IL4I1: variants seen among roughly 807,000 people sequenced by gnomAD.
IL4I1 encodes L-amino-acid oxidase.
Under a neutral mutation model 29.7 loss-of-function variants are expected in IL4I1, and 24 were observed. The observed-to-expected ratio is 0.81, with a 90% CI of 0.59 to 1.14. The LOEUF is 1.14. Ranked by LOEUF, IL4I1 falls within the 50% of genes most tolerant of loss-of-function variation. IL4I1 has a pLI of 0.00. For synonymous variants in IL4I1, 371 were observed against 352.5 expected (o/e 1.05, Z -0.59); for missense variants, 686 against 785.6 (o/e 0.87, Z 1.52).
At chr19:49,924,007 A>G (rs2075824930) in intron 2 of IL4I1, among the ~76,000 whole-genome samples, 1 of 152,208 alleles carries the variant, frequency 6.6e-6, no homozygotes. Context: ...GTGATTGGGA[A>G]AGCAGTGAGG....
chr19:49,890,928 T>TTCCCCCCCCCCCCCCCCCCCCCCCCC lies in IL4I1; in HGVS notation c.773+42_773+43insGGGGGGGGGGGGGGGGGGGGGGGGGA. On this transcript the variant is annotated intron_variant, in intron 7 of 7. Transcript: ENST00000391826. ...CCCACTCCCTGCTACTTTCCCTGAT[T>TTCCCCCCCCCCCCCCCCCCCCCCCCC]GCCCCCCGCCCCCCCCCCCTGCCCG... The TTCCCCCCCCCCCCCCCCCCCCCCCCC allele has an allele frequency of 1.3e-5, 8 of 633,210 alleles. No homozygotes were observed. The South Asian group carries it at 1.4e-4, about 11-fold the overall frequency. The allele number at this position is 633,210 out of a possible 1,614,324, so 39.2% of individuals were successfully genotyped here.
chr19:49,892,521 A>G (rs926933109), intron 5 of IL4I1, among the ~76,000 whole-genome samples: 1 of 152,098 alleles, frequency 6.6e-6, no homozygotes, highest in Non-Finnish European at 1.5e-5. Flanking sequence ...CAGTGCCCAG[A>G]CCACCTGCCC....
In IL4I1 at chr19:49,895,072, G is replaced by A; in HGVS notation, c.361C>T (p.His121Tyr). 1 of 1,612,818 alleles carries A rather than the reference G, an allele frequency of 6.2e-7. No homozygotes were observed. ...GTGGGTGGGTTGCTAGGTCACCTGT[G>A]AGAGCTGGGCATGCGCATGGCTCCC... ...ELGAMRMPSS[H>Y]RILHKLCQGL... Residue 121 changes from histidine (H) to tyrosine (Y), a missense_variant, in exon 4 of 8, where the codon CAC becomes TAC. Physicochemically the swap from His to Tyr is moderately conservative, Grantham distance 83. Transcript: ENST00000391826.
intron 2 of IL4I1, chr19:49,908,256 G>A (rs369812142): frequency 2.5e-6 from 4 of 1,613,312 alleles, no homozygotes; most frequent in Non-Finnish European, 3.4e-6. Flanking sequence ...AAGGTGATCC[G>A]GAAGCTGCGC....
rs780484739 is a variant in IL4I1 at position 49,908,428 on chromosome 19, C to T, written c.-227-4107G>A. On this transcript the variant is annotated intron_variant, in intron 2 of 9. Transcript: ENST00000341114. ...CACTGGTGTCGGCGGGGGCCCCGGACGTGTTCAGGTGCTCGATGATGTCCT... is the reference window on the plus strand; with the variant it reads ...CACTGGTGTCGGCGGGGGCCCCGGATGTGTTCAGGTGCTCGATGATGTCCT... 4.3e-6 allele frequency: 7 copies of T among 1,613,990 alleles called. No individual in the cohort carries two copies. In the African/African-American group the frequency reaches 5.3e-5, roughly 12 times the overall value.
At chr19:49,901,623 G>A (rs1486521309), upstream of IL4I1, 8 of 1,487,752 alleles carry the variant, frequency 5.4e-6, no homozygotes, top group African/African-American at 1.4e-5. Context: ...CCAGGGCCCC[G>A]GGTGGGGGCA....
chr19:49,913,273 GTTCAAATCTGCACAT>G (rs2075526026), intron 2 of IL4I1: 1 of 152,322 alleles, frequency 6.6e-6, no homozygotes, highest in African/African-American at 2.4e-5. Context: ...AGCCTGGGCT[GTTCAAATCTGCACAT>G]TCCAAAGAGA....
chr19:49,902,825 A>G (rs1235336550), intron 3 of IL4I1, among the ~76,000 whole-genome samples: 2 of 143,690 alleles, frequency 1.4e-5, no homozygotes, highest in African/African-American at 5.2e-5. Context: ...ACTGCATCTC[A>G]AAAAAAAAAG....
intron 7 of IL4I1, 33 bp downstream of exon 7, chr19:49,890,936 GCC>G (rs56091826): frequency 1.3e-3 from 401 of 311,430 alleles, no homozygotes; most frequent in Non-Finnish European, 1.4e-3. Flanking sequence ...ATTGCCCCCC[GCC>G]CCCCCCCCCT....
At chr19:49,902,788 C>A (rs2075282478) in intron 3 of IL4I1, among the ~76,000 whole-genome samples, 1 of 151,136 alleles carries the variant, frequency 6.6e-6, no homozygotes, top group Non-Finnish European at 1.5e-5. Flanking sequence ...TGAGATCATG[C>A]CACTCCAGCC....
intron 2 of IL4I1, among the ~76,000 whole-genome samples, chr19:49,925,740 T>C (rs1353980036): frequency 2.0e-5 from 3 of 152,124 alleles, no homozygotes; most frequent in East Asian, 1.9e-4. Flanking sequence ...GAATCAAGAA[T>C]GGCATTTGGT....
intron 2 of IL4I1, among the ~76,000 whole-genome samples, chr19:49,905,689 C>T (rs541289873): frequency 1.3e-5 from 2 of 152,168 alleles, no homozygotes; most frequent in East Asian, 3.9e-4. Context: ...CTCCACCTCT[C>T]GGGTTCAAGC....
At chr19:49,894,086 G>A (rs2075173495) in intron 5 of IL4I1, among the ~76,000 whole-genome samples, 182 bp downstream of exon 5, 1 of 151,726 alleles carries the variant, frequency 6.6e-6, no homozygotes, top group Admixed American at 6.6e-5. Context: ...ATTTCAGTGA[G>A]TAGGTCAGTG....
rs1444976264 is a variant in IL4I1 at position 49,921,489 on chromosome 19, C to T, written c.-228+6205G>A. On this transcript the variant is annotated intron_variant, in intron 2 of 9. Transcript: ENST00000341114. The surrounding 1 kb of genome is among the most constrained non-coding windows in gnomAD (Gnocchi z 5.4). ...ATCCAATTCAGGATGATCCGCCCGC[C>T]CCAGCTGCAGACGATGGCCTGAGAC... is the stretch of plus-strand genomic sequence containing the variant. Among the ~76,000 whole-genome samples the T allele has an allele frequency of 1.3e-5, 2 of 152,214 alleles. No homozygotes were observed. Among genetic ancestry groups the T allele is most frequent in the Non-Finnish European group, 2.9e-5 (2 of 68,036 alleles).
chr19:49,896,999 C>A, upstream of IL4I1: 2 of 469,298 alleles, frequency 4.3e-6, no homozygotes, highest in Non-Finnish European at 5.6e-6. Flanking sequence ...TGCTCTGGTC[C>A]AATGCTCAGA....
At position 49,895,826 on chromosome 19, in the gene IL4I1, C is replaced by A. The variant is rs1222349829; in HGVS notation, c.241G>T (p.Ala81Ser). Residue 81 changes from alanine to serine, a missense_variant, in exon 3 of 8, where the codon GCT becomes TCT. By Grantham distance (99) the Ala-to-Ser change is moderately conservative. Transcript: ENST00000391826. The part of the protein sequence containing the change: ...GLVAAKVLSD[A>S]GHKVTILEAD... ...GCAGTGCTTCCCACCTTGTGTCCAG[C>A]ATCGCTGAGCACCTTGGCGGCCACC... The A allele has an allele frequency of 6.2e-7, 1 of 1,614,088 alleles. No homozygotes were observed. Among genetic ancestry groups the A allele is most frequent in the Non-Finnish European group, 8.5e-7 (1 of 1,180,022 alleles).
intron 2 of IL4I1, among the ~76,000 whole-genome samples, chr19:49,915,946 A>G (rs1053128417): frequency 6.6e-6 from 1 of 152,254 alleles, no homozygotes; most frequent in Admixed American, 6.5e-5. Flanking sequence ...CCACTGGGCC[A>G]GATTTCCGTT....
chr19:49,890,645 C>A, intron 7 of IL4I1, 45 bp from the exon 8 acceptor site: 1 of 1,431,392 alleles, frequency 7.0e-7, no homozygotes, highest in Non-Finnish European at 9.2e-7. Flanking sequence ...CTGGGCTCTG[C>A]GGCCCTGCCC....
intron 1 of IL4I1, chr19:49,929,111 G>C (rs1378043447): frequency 6.6e-6 from 1 of 152,286 alleles, no homozygotes; most frequent in African/African-American, 2.4e-5. Flanking sequence ...CTGCCTCCCG[G>C]TTGGGGCCGC....
Sources: allele counts gnomAD v4.1 joint callset (sites outside exome capture counted in the v4.1 genomes callset), GRCh38; gene constraint gnomAD v4.1.1; non-coding constraint Gnocchi (gnomAD v3.1); transcripts MANE v1.5; gene names NCBI Gene and HGNC (gene_info 2026-07-23, HGNC 2026-07-21).